The following NECAB2 variants were observed in gnomAD, a reference collection of about 807,000 sequenced individuals.
The protein encoded by NECAB2 is N-terminal EF-hand calcium binding protein 2, also known as N-terminal EF-hand calcium-binding protein 2.
Under a neutral mutation model 51.9 loss-of-function variants are expected in NECAB2, and 68 were observed. That is an observed-to-expected ratio of 1.31 (90% CI 1.08 to 1.60). The LOEUF (loss-of-function observed/expected upper bound fraction) is 1.60. NECAB2 is among the 40% of genes most tolerant of loss of function. The probability of loss-of-function intolerance (pLI) is 0.00; values close to 1 mark genes in which losing one functional copy is unlikely to be tolerated. For missense variants in NECAB2, 854 were observed against 490.3 expected (o/e 1.74, Z -7.00); for synonymous variants, 329 against 203.5 (o/e 1.62, Z -5.25).
intron 5 of NECAB2, among the ~76,000 whole-genome samples, chr16:83,987,222 A>T (rs976885219): frequency 6.6e-6 from 1 of 152,174 alleles, no homozygotes; most frequent in Admixed American, 6.5e-5. Flanking sequence ...ATTTTTGCCC[A>T]TTTCAGAGAC....
chr16:84,000,750 G>C lies in NECAB2; in HGVS notation c.989G>C (p.Gly330Ala), dbSNP rs151288264. 129 of 1,613,756 alleles carry C rather than the reference G, an allele frequency of 8.0e-5. 1 individual carries two copies. The highest frequency in any genetic ancestry group is 1.1e-4 in the Non-Finnish European group (127 of 1,179,998). ...ATCACTGCCGTGAGGCTCTCAGATGGCTTCACCTTTGTCATCTATGAGTTC... is the reference window on the plus strand; with the variant it reads ...ATCACTGCCGTGAGGCTCTCAGATGCCTTCACCTTTGTCATCTATGAGTTC... ...FHITAVRLSD[G>A]FTFVIYEFWE... is the part of the protein sequence containing the mutation. Residue 330 changes from glycine to alanine, a missense_variant, in exon 11 of 13, where the codon GGC becomes GCC. Transcript: ENST00000305202.
At chr16:83,987,290 T>C (rs2084568640) in intron 5 of NECAB2, among the ~76,000 whole-genome samples, 2 of 152,226 alleles carry the variant, frequency 1.3e-5, no homozygotes, top group Admixed American at 1.3e-4. Flanking sequence ...ATCTAATGTA[T>C]CTGTTCTGTG....
chr16:84,001,013 GGCTTTCCT>G (rs1002556104), intron 11 of NECAB2, among the ~76,000 whole-genome samples: 2 of 152,040 alleles, frequency 1.3e-5, no homozygotes, highest in African/African-American at 2.4e-5. Flanking sequence ...CACTCAGCTG[GGCTTTCCT>G]GCTTTCCCCA....
At chr16:83,998,809 T>C (rs2084761456) in intron 10 of NECAB2, among the ~76,000 whole-genome samples, 1 of 151,984 alleles carries the variant, frequency 6.6e-6, no homozygotes, top group South Asian at 2.1e-4. Flanking sequence ...CTTCTCCCCC[T>C]GATGTGCTGA....
chr16:84,000,576 G>C, intron 10 of NECAB2, 148 bp from the exon 11 acceptor site: 1 of 610,054 alleles, frequency 1.6e-6, no homozygotes, highest in South Asian at 2.0e-5. Flanking sequence ...GGGTCACCCT[G>C]TCGAGTCTCG....
upstream of NECAB2, chr16:83,965,577 C>G (rs1318324315): frequency 6.2e-7 from 1 of 1,613,022 alleles, no homozygotes; most frequent in Admixed American, 1.7e-5. Context: ...ATGCTGTACC[C>G]CGAGTACCAC....
At chr16:83,967,536 G>A (rs375922006), upstream of NECAB2, among the ~76,000 whole-genome samples, 23 of 144,078 alleles carry the variant, frequency 1.6e-4, no homozygotes, top group African/African-American at 5.7e-4. Flanking sequence ...TGGATGGGAG[G>A]GAGGGAGGAT....
At chr16:83,971,445 C>G (rs2084346088) in intron 1 of NECAB2, 1 of 152,262 alleles carries the variant, frequency 6.6e-6, no homozygotes, top group African/African-American at 2.4e-5. Flanking sequence ...GCCAGCCAGA[C>G]CTTGAGGAAA....
intron 2 of NECAB2, among the ~76,000 whole-genome samples, chr16:83,976,286 G>A (rs2084409435): frequency 1.3e-5 from 2 of 152,218 alleles, no homozygotes; most frequent in Admixed American, 6.5e-5. Context: ...GGACTTGGGA[G>A]CCAGATGGCC....
At chr16:83,967,378 G>A (rs1231242016), upstream of NECAB2, among the ~76,000 whole-genome samples, 1 of 148,546 alleles carries the variant, frequency 6.7e-6, no homozygotes, top group Admixed American at 6.8e-5. Flanking sequence ...TGGATGGATG[G>A]GAGGATGGGT....
rs147842874 is a variant in NECAB2 at position 83,993,759 on chromosome 16, G to A, written c.597-543G>A. ...GCACAGGAGAGGGGTGTCCAGGGCC[G>A]GGAGATGGGGCCAGGCCCAGGTCAG... On this transcript the variant is annotated intron_variant, in intron 6 of 12. Transcript: ENST00000305202. 3.1e-5 allele frequency: 5 copies of A among 160,242 alleles called. No homozygotes were observed. The East Asian group carries it at 5.5e-4, about 18-fold the overall frequency. 9.9% of individuals were successfully genotyped at this position (160,242 alleles called of 1,614,324 possible).
At chr16:84,002,235 C>T (rs963864394) in intron 12 of NECAB2, 83 bp from the exon 13 acceptor site, 10 of 1,520,686 alleles carry the variant, frequency 6.6e-6, no homozygotes, top group African/African-American at 1.4e-5. Flanking sequence ...CATCCCCCGA[C>T]CTGTCATTCA....
At chr16:83,974,501 G>A (rs889201433) in intron 2 of NECAB2, among the ~76,000 whole-genome samples, 7 of 152,144 alleles carry the variant, frequency 4.6e-5, no homozygotes, top group Non-Finnish European at 7.3e-5. Flanking sequence ...CAGGGAATTC[G>A]GTCTGGGGGA....
At chr16:83,978,778 C>T (rs1369632901) in intron 3 of NECAB2, among the ~76,000 whole-genome samples, 1 of 152,156 alleles carries the variant, frequency 6.6e-6, no homozygotes, top group Middle Eastern at 3.4e-3. Flanking sequence ...GTGCACATGG[C>T]CAACTAAGGA....
upstream of NECAB2, chr16:83,965,421 C>T (rs144978069): frequency 2.8e-5 from 44 of 1,580,804 alleles, no homozygotes; most frequent in East Asian, 6.7e-5. Context: ...GCGGTGACCC[C>T]GGCCTCAGAC....
At chr16:83,968,061 C>T (rs187323346), upstream of NECAB2, among the ~76,000 whole-genome samples, 224 of 151,808 alleles carry the variant, frequency 1.5e-3, 2 homozygotes, top group African/African-American at 5.3e-3. Context: ...GAAAGATGTT[C>T]TGGGGTGAAG....
intron 6 of NECAB2, among the ~76,000 whole-genome samples, chr16:83,991,295 C>G (rs897889249): frequency 1.3e-5 from 2 of 151,354 alleles, no homozygotes; most frequent in Non-Finnish European, 2.9e-5. Context: ...TTTTCTCTTT[C>G]TCTCTCTCTC....
intron 2 of NECAB2, among the ~76,000 whole-genome samples, chr16:83,975,826 G>A (rs145202388): frequency 1.2e-4 from 18 of 152,276 alleles, no homozygotes; most frequent in African/African-American, 2.9e-4. Context: ...ACCTGCAAAC[G>A]GCCCGCTTGG....
chr16:83,998,142 A>G (rs1446519495), intron 9 of NECAB2, 63 bp from the exon 10 acceptor site: 2 of 1,469,572 alleles, frequency 1.4e-6, no homozygotes, highest in Non-Finnish European at 1.9e-6. Flanking sequence ...TGGGGGCCTG[A>G]TGGGGTGTTT....
Sources: gnomAD v4.1 joint callset for allele counts (sites outside exome capture counted in the v4.1 genomes callset) on GRCh38, gnomAD v4.1.1 for gene constraint, MANE v1.5 for transcripts, NCBI Gene and HGNC (gene_info 2026-07-23, HGNC 2026-07-21) for gene names.